Variants in ADGRD1 observed in about 807,000 individuals in gnomAD.
The protein encoded by ADGRD1 is G-protein coupled receptor 133.
Under a neutral mutation model 113.4 loss-of-function variants are expected in ADGRD1, and 77 were observed. The observed-to-expected ratio is 0.68, with a 90% CI of 0.57 to 0.82. The LOEUF (loss-of-function observed/expected upper bound fraction) is 0.82. Among genes scored for constraint, ADGRD1 ranks in the 40% least tolerant of loss-of-function variants. ADGRD1 has a pLI of 0.00. For synonymous variants in ADGRD1, 474 were observed against 475.0 expected, an observed-to-expected ratio of 1.00 and a Z score of 0.03; for missense variants, 1,036 against 1,139.1, an observed-to-expected ratio of 0.91 and a Z score of 1.30.
At chr12:131,040,422 T>G (rs1881998427) in intron 13 of ADGRD1, among the ~76,000 whole-genome samples, 1 of 152,260 alleles carries the variant, frequency 6.6e-6, no homozygotes, top group African/African-American at 2.4e-5. Flanking sequence ...GGCAAAGTCT[T>G]AAGCAGTAAT....
chr12:130,997,573 G>A (rs913165678), intron 8 of ADGRD1, among the ~76,000 whole-genome samples: 13 of 151,762 alleles, frequency 8.6e-5, no homozygotes, highest in Middle Eastern at 3.4e-3. Flanking sequence ...ACGGGGCGGC[G>A]GGGCAAAGGC....
At chr12:131,123,051 T>TG (rs1566130261) in intron 20 of ADGRD1, among the ~76,000 whole-genome samples, 5 of 123,614 alleles carry the variant, frequency 4.0e-5, no homozygotes, top group African/African-American at 6.3e-5. Flanking sequence ...TTTTTTTTTT[T>TG]TTTTTTTTTT....
intron 4 of ADGRD1, among the ~76,000 whole-genome samples, chr12:130,979,508 C>T (rs539161667): frequency 5.3e-5 from 8 of 152,294 alleles, no homozygotes; most frequent in Non-Finnish European, 1.0e-4. Context: ...GCCTTATACA[C>T]GAATGACAAA....
Position 131,004,277 on chromosome 12 carries a change from C to G in ADGRD1, c.1236C>G (p.His412Gln). ...AHGQSFIQIP[H>Q]EAFHRHAWST... ...GGCAGAGCTTCATCCAGATCCCCCA[C>G]GAGGCCTTCCACAGGCACGGTGAGT... is the stretch of plus-strand genomic sequence containing the variant. Residue 412 changes from histidine to glutamine, a missense_variant, in exon 11 of 25, where the codon CAC (histidine) becomes CAG (glutamine). Coordinates refer to ENST00000261654, the MANE Select transcript of ADGRD1 (RefSeq NM_198827.5). 1 of 1,612,776 alleles carries G rather than the reference C, an allele frequency of 6.2e-7. No homozygotes were observed. The highest frequency in any genetic ancestry group is 1.1e-5 in the South Asian group (1 of 91,032).
At chr12:131,086,809 C>A (rs1031642664) in intron 15 of ADGRD1, among the ~76,000 whole-genome samples, 1 of 152,200 alleles carries the variant, frequency 6.6e-6, no homozygotes, top group Non-Finnish European at 1.5e-5. Context: ...AAAGAGAAGG[C>A]CCTTTCTTTT....
rs1401470352 is a variant in ADGRD1 at position 131,003,231 on chromosome 12, T to C, written c.1073T>C (p.Met358Thr). The change falls in exon 10 of 25, where the codon ATG becomes ACG. Residue 358 changes from methionine (M) to threonine (T), a missense_variant. Transcript: ENST00000261654. This position sits in a 1 kb window ranked among gnomAD's most constrained non-coding sequence, Gnocchi z 4.8. ...CTCATCGACACTATTGACACCGTCATGGGCCATGTATCCTCCAACCTGCAC... is the reference window on the plus strand; with the variant it reads ...CTCATCGACACTATTGACACCGTCACGGGCCATGTATCCTCCAACCTGCAC... ...LSLIDTIDTV[M>T]GHVSSNLHGS... 3 of 1,614,012 alleles carry C rather than the reference T, an allele frequency of 1.9e-6. No individual in the cohort carries two copies. In the Admixed American group the frequency reaches 5.0e-5, roughly 27 times the overall value.
intron 20 of ADGRD1, among the ~76,000 whole-genome samples, chr12:131,121,238 C>T (rs754737668): frequency 1.2e-4 from 19 of 152,310 alleles, no homozygotes; most frequent in Non-Finnish European, 2.5e-4. Flanking sequence ...TTCTCACCCA[C>T]CGGCTAGCTC....
chr12:131,079,573 T>A (rs1885907755), intron 14 of ADGRD1, among the ~76,000 whole-genome samples: 1 of 152,242 alleles, frequency 6.6e-6, no homozygotes, highest in African/African-American at 2.4e-5. Flanking sequence ...TCTTCCATTT[T>A]AGTAGAATTC....
chr12:130,982,135 A>T lies in ADGRD1; in HGVS notation c.490+72A>T, dbSNP rs536186718. ...GTCTTCTCTGAGAATGGACGCTGAG[A>T]AGCCCAACGCAGCCCAAGGAGCCCA... On this transcript the variant is annotated intron_variant, in intron 5 of 24. Transcript: ENST00000261654. 1.7e-5 allele frequency: 23 copies of T among 1,363,382 alleles called. No individual in the cohort carries two copies. The South Asian group carries it at 2.5e-4, about 15-fold the overall frequency. The allele number at this position is 1,363,382 out of a possible 1,614,324, so 84.5% of individuals were successfully genotyped here.
At chr12:131,115,071 G>A (rs1028775555) in intron 18 of ADGRD1, among the ~76,000 whole-genome samples, 4 of 152,152 alleles carry the variant, frequency 2.6e-5, no homozygotes, top group Admixed American at 1.3e-4. Flanking sequence ...GAGAGATTGC[G>A]TAATGCCATG....
At chr12:131,031,520 T>C (rs1880737735) in intron 13 of ADGRD1, among the ~76,000 whole-genome samples, 1 of 152,074 alleles carries the variant, frequency 6.6e-6, no homozygotes, top group African/African-American at 2.4e-5. Context: ...CTTCTCAGAT[T>C]TGCGTTTGTC....
At chr12:131,044,016 G>A (rs1237682785) in intron 13 of ADGRD1, among the ~76,000 whole-genome samples, 1 of 152,182 alleles carries the variant, frequency 6.6e-6, no homozygotes, top group Non-Finnish European at 1.5e-5. Context: ...CGTCAAGACA[G>A]CAGGGAAGAC....
Position 130,982,079 on chromosome 12 carries a change from G to C in ADGRD1, c.490+16G>C, listed in dbSNP as rs748873756. ...AGCCCCCCAGGTGAGTGACAGCATC[G>C]GTCCCGGGAGGCTCTGCCTGGAGGA... On this transcript the variant is annotated intron_variant, in intron 5 of 24. Transcript: ENST00000261654. 1.2e-6 allele frequency: 2 copies of C among 1,607,186 alleles called. No individual in the cohort carries two copies. Among genetic ancestry groups the C allele is most frequent in the South Asian group, 2.2e-5 (2 of 90,604 alleles).
At chr12:131,040,474 A>T (rs1027024211) in intron 13 of ADGRD1, among the ~76,000 whole-genome samples, 2 of 152,224 alleles carry the variant, frequency 1.3e-5, no homozygotes, top group African/African-American at 4.8e-5. Flanking sequence ...TTAAAAATGC[A>T]TTATATACTT....
chr12:131,054,577 T>C (rs7298059), intron 13 of ADGRD1, among the ~76,000 whole-genome samples: 132,410 of 152,136 alleles, frequency 0.87, 58,224 homozygotes, highest in East Asian at 1. Context: ...CCTGGCCCTG[T>C]GTGAGCTCCA....
intron 19 of ADGRD1, among the ~76,000 whole-genome samples, chr12:131,119,373 G>T (rs1950539150): frequency 6.6e-6 from 1 of 152,238 alleles, no homozygotes. Context: ...GCAGACCACT[G>T]TTCTGGCCTT....
At chr12:131,115,479 C>T (rs541655054) in intron 18 of ADGRD1, among the ~76,000 whole-genome samples, 90 of 152,306 alleles carry the variant, frequency 5.9e-4, no homozygotes, top group South Asian at 1.0e-3. Flanking sequence ...TGTCTCCCTC[C>T]ACCCCATCTG....
chr12:131,018,821 C>T (rs1878958246), intron 13 of ADGRD1, among the ~76,000 whole-genome samples: 1 of 152,234 alleles, frequency 6.6e-6, no homozygotes, highest in African/African-American at 2.4e-5. Context: ...CACCCTTTCT[C>T]AGTACGCTCA....
Position 131,140,858 on chromosome 12 carries a change from A to C in ADGRD1, c.*1595A>C, listed in dbSNP as rs1253743432. On this transcript the variant is annotated 3_prime_UTR_variant, in exon 25 of 25. Transcript: ENST00000261654. ...CCAGGCTGCACCAGCCACCTGCCAC[A>C]TGGTGACAGTGCCACGGGCCCTGCG... is the stretch of plus-strand genomic sequence containing the variant. 6.6e-6 allele frequency: 1 copy of C among 152,302 alleles called. No homozygotes were observed. Among genetic ancestry groups the C allele is most frequent in the African/African-American group, 2.4e-5 (1 of 41,470 alleles). The allele number at this position is 152,302 out of a possible 1,614,324, so 9.4% of individuals were successfully genotyped here. A position where few individuals can be genotyped will look rare whatever the true frequency, so the allele number is the denominator to read the frequency against.
Sources: gnomAD v4.1 joint callset for allele counts (sites outside exome capture counted in the v4.1 genomes callset) on GRCh38, gnomAD v4.1.1 for gene constraint, Gnocchi (gnomAD v3.1) non-coding constraint, MANE v1.5 for transcripts, NCBI Gene and HGNC (gene_info 2026-07-23, HGNC 2026-07-21) for gene names.